The following LRFN5 variants were observed in gnomAD, a reference collection of about 807,000 sequenced individuals.
The protein encoded by LRFN5 is leucine-rich repeat and fibronectin type-III domain-containing protein 5.
In LRFN5, 24 loss-of-function variants were observed where a neutral mutation model predicts 45.6. That is an observed-to-expected ratio of 0.53 (90% confidence interval 0.38 to 0.74). The LOEUF is 0.74. Ranked by LOEUF, LRFN5 falls within the 30% of genes least tolerant of loss-of-function variation. LRFN5 has a pLI of 0.00. For missense variants in LRFN5, 776 were observed against 861.5 expected, an observed-to-expected ratio of 0.90 and a Z score of 1.24; for synonymous variants, 340 against 313.8, an observed-to-expected ratio of 1.08 and a Z score of -0.88.
Position 41,883,281 on chromosome 14 carries a change from T to C in LRFN5, c.-20-3325T>C, listed in dbSNP as rs186923068. ...TAGCTTATCCAGCTTATTTTGTTTG[T>C]TTAGGGTGACAGTGATGGTTTCTTA... On this transcript the variant is annotated intron_variant, in intron 2 of 5. Transcript: ENST00000298119. 1.8e-3 allele frequency among the ~76,000 whole-genome samples: 273 copies of C among 152,306 alleles called. 2 individuals are homozygous for C. Among genetic ancestry groups the C allele is most frequent in the Non-Finnish European group, 2.5e-3 (171 of 68,022 alleles).
At chr14:41,858,917 G>A (rs1436771997) in intron 2 of LRFN5, among the ~76,000 whole-genome samples, 1 of 152,142 alleles carries the variant, frequency 6.6e-6, no homozygotes, top group Non-Finnish European at 1.5e-5. Flanking sequence ...CCTTCCAAAT[G>A]GTTCCCATAC....
chr14:41,705,454 A>T (rs1883024724), intron 1 of LRFN5, among the ~76,000 whole-genome samples: 1 of 152,204 alleles, frequency 6.6e-6, no homozygotes, highest in Non-Finnish European at 1.5e-5. Flanking sequence ...ATTATAAAAT[A>T]TTTTAGTAAT....
intron 2 of LRFN5, among the ~76,000 whole-genome samples, chr14:41,843,764 A>G (rs1566478477): frequency 6.6e-6 from 1 of 152,202 alleles, no homozygotes; most frequent in Non-Finnish European, 1.5e-5. Context: ...TATATGGTCC[A>G]TGTAAGTAAT....
intron 2 of LRFN5, among the ~76,000 whole-genome samples, chr14:41,870,702 A>C (rs570359203): frequency 6.6e-6 from 1 of 152,298 alleles, no homozygotes; most frequent in East Asian, 1.9e-4. Flanking sequence ...TATTAACTCA[A>C]AGTCAAATAA....
chr14:41,875,460 C>T (rs1482204328), intron 2 of LRFN5, among the ~76,000 whole-genome samples: 1 of 152,210 alleles, frequency 6.6e-6, no homozygotes, highest in East Asian at 1.9e-4. Flanking sequence ...TGGTAGGATC[C>T]ATGGGTTCCC....
chr14:41,809,380 C>G (rs998036209), intron 2 of LRFN5, among the ~76,000 whole-genome samples: 1 of 151,694 alleles, frequency 6.6e-6, no homozygotes, highest in Non-Finnish European at 1.5e-5. Flanking sequence ...TTACTAAACT[C>G]TTTTATTTTT....
chr14:41,617,634 G>T (rs1166702283), intron 1 of LRFN5, among the ~76,000 whole-genome samples: 17 of 152,242 alleles, frequency 1.1e-4, no homozygotes. Flanking sequence ...TCCACTAGGA[G>T]ATTCTGTAGT....
chr14:41,752,929 A>G (rs4312225), intron 1 of LRFN5, among the ~76,000 whole-genome samples: 1,989 of 152,172 alleles, frequency 0.013, 14 homozygotes, highest in Middle Eastern at 0.037. Context: ...ATCCATGTTG[A>G]ATTAATTTTT....
At chr14:41,742,309 GTA>G (rs1200276413) in intron 1 of LRFN5, among the ~76,000 whole-genome samples, 2 of 90,708 alleles carry the variant, frequency 2.2e-5, no homozygotes, top group Non-Finnish European at 4.5e-5. Context: ...AATGTGGTGT[GTA>G]TACACACACA....
At chr14:41,893,715 A>T in intron 4 of LRFN5, 1 of 985,370 alleles carries the variant, frequency 1.0e-6, no homozygotes, top group East Asian at 1.1e-4. Flanking sequence ...AGTATGTAAG[A>T]TTAAAGTAGT....
chr14:41,794,614 G>A (rs565708597), intron 2 of LRFN5, among the ~76,000 whole-genome samples: 11 of 152,056 alleles, frequency 7.2e-5, no homozygotes, highest in Non-Finnish European at 1.6e-4. Flanking sequence ...AGTTCAAGAT[G>A]AGCTTAGATG....
intron 2 of LRFN5, among the ~76,000 whole-genome samples, chr14:41,856,675 A>ATTATTATTATTATTATTTTTTTTTTTTT: frequency 1.1e-4 from 2 of 18,336 alleles, no homozygotes; most frequent in African/African-American, 2.6e-4. Context: ...TATTATTATT[A>ATTATTATTATTATTATTTTTTTTTTTTT]TTTTTTTTTT....
At chr14:41,668,353 A>G (rs1033666697) in intron 1 of LRFN5, among the ~76,000 whole-genome samples, 4 of 152,172 alleles carry the variant, frequency 2.6e-5, no homozygotes, top group African/African-American at 9.7e-5. Context: ...ATATTTATAT[A>G]TTCAATTTCA....
At chr14:41,795,548 T>C (rs1184378273) in intron 2 of LRFN5, among the ~76,000 whole-genome samples, 1 of 152,100 alleles carries the variant, frequency 6.6e-6, no homozygotes, top group African/African-American at 2.4e-5. Flanking sequence ...AATGATAGAC[T>C]GGATTAAGAA....
intron 1 of LRFN5, among the ~76,000 whole-genome samples, chr14:41,760,169 A>G (rs891773781): frequency 7.9e-5 from 12 of 152,222 alleles, no homozygotes; most frequent in Non-Finnish European, 1.5e-4. Flanking sequence ...AAAAATACGG[A>G]AAAGTTCAGT....
intron 2 of LRFN5, among the ~76,000 whole-genome samples, chr14:41,804,934 C>A (rs1887467085): frequency 6.6e-6 from 1 of 151,858 alleles, no homozygotes; most frequent in Non-Finnish European, 1.5e-5. Flanking sequence ...AATGTCAGCT[C>A]ATTAATTCTA....
At chr14:41,644,689 A>G (rs188730563) in intron 1 of LRFN5, among the ~76,000 whole-genome samples, 34 of 152,138 alleles carry the variant, frequency 2.2e-4, no homozygotes, top group Admixed American at 2.1e-3. Flanking sequence ...ATGTATAAAG[A>G]TCTTTCTTTA....
Position 41,714,167 on chromosome 14 carries a change from G to A in LRFN5, c.-196-52687G>A, listed in dbSNP as rs1372493367. On this transcript the variant is annotated intron_variant, in intron 1 of 5. Transcript: ENST00000298119. ...AATGGAAAACATAAGATTTTTAAAA[G>A]TGCTTACTTTAAGTGGATGGGATAT... is the stretch of plus-strand genomic sequence containing the variant. Among the ~76,000 whole-genome samples, 5 of 152,118 alleles carry A rather than the reference G, an allele frequency of 3.3e-5. No homozygotes were observed. The South Asian group carries it at 8.3e-4, about 25-fold the overall frequency.
chr14:41,767,364 G>T (rs2138883313), intron 2 of LRFN5, among the ~76,000 whole-genome samples: 1 of 152,078 alleles, frequency 6.6e-6, no homozygotes, highest in South Asian at 2.1e-4. Context: ...GAATAAAAAG[G>T]TTCAAAATGA....
Sources: gnomAD v4.1 joint callset for allele counts (sites outside exome capture counted in the v4.1 genomes callset) on GRCh38, gnomAD v4.1.1 for gene constraint, MANE v1.5 for transcripts, NCBI Gene and HGNC (gene_info 2026-07-23, HGNC 2026-07-21) for gene names.